The following ARHGAP10 variants were observed in gnomAD, a reference collection of about 807,000 sequenced individuals.
The protein encoded by ARHGAP10 is Rho GTPase activating protein 10.
Under a neutral mutation model 108.6 loss-of-function variants are expected in ARHGAP10, and 87 were observed. The ratio of observed to expected loss-of-function variants is 0.80; its 90% CI spans 0.67 to 0.96. The LOEUF (loss-of-function observed/expected upper bound fraction) is 0.96, where lower values mean the gene tolerates loss of function less well. ARHGAP10 is among the 40% of genes least tolerant of loss of function. ARHGAP10 has a pLI of 0.00. For synonymous variants in ARHGAP10, 347 were observed against 341.1 expected (o/e 1.02, Z -0.19); for missense variants, 939 against 954.5 (o/e 0.98, Z 0.21).
At chr4:147,953,036 A>G (rs982132245) in intron 15 of ARHGAP10, among the ~76,000 whole-genome samples, 22 of 151,810 alleles carry the variant, frequency 1.4e-4, no homozygotes, top group African/African-American at 5.1e-4. Context: ...TATTGATATG[A>G]TCATACAGTT....
At chr4:148,041,883 C>T (rs1728647233) in intron 19 of ARHGAP10, among the ~76,000 whole-genome samples, 1 of 152,196 alleles carries the variant, frequency 6.6e-6, no homozygotes, top group Non-Finnish European at 1.5e-5. Context: ...AAAGAAAAGC[C>T]AGCTCTCTTG....
At chr4:147,815,170 C>T (rs1450789367) in intron 1 of ARHGAP10, among the ~76,000 whole-genome samples, 3 of 152,198 alleles carry the variant, frequency 2.0e-5, no homozygotes, top group Non-Finnish European at 4.4e-5. Flanking sequence ...CCTGCTGCCG[C>T]CCTTGTCCAC....
At chr4:147,781,353 A>G (rs988138993) in intron 1 of ARHGAP10, among the ~76,000 whole-genome samples, 21 of 152,136 alleles carry the variant, frequency 1.4e-4, no homozygotes, top group African/African-American at 5.1e-4. Context: ...ATTTTTGACC[A>G]AACTGGGACA....
intron 3 of ARHGAP10, among the ~76,000 whole-genome samples, chr4:147,837,782 G>A (rs947500778): frequency 8.6e-5 from 13 of 151,544 alleles, no homozygotes; most frequent in African/African-American, 3.1e-4. Context: ...ATGGTGGGAG[G>A]TGGACTTTGT....
At chr4:147,751,435 C>T (rs1729145446) in intron 1 of ARHGAP10, among the ~76,000 whole-genome samples, 1 of 151,446 alleles carries the variant, frequency 6.6e-6, no homozygotes, top group African/African-American at 2.4e-5. Flanking sequence ...GTGATCTCGG[C>T]TCACTGCAAC....
At chr4:147,759,586 C>T (rs966476242) in intron 1 of ARHGAP10, among the ~76,000 whole-genome samples, 3 of 151,610 alleles carry the variant, frequency 2.0e-5, no homozygotes, top group African/African-American at 7.3e-5. Flanking sequence ...CACCGCCCCC[C>T]CCCCCCTTTA....
chr4:147,907,499 G>A (rs1241424774), intron 11 of ARHGAP10, among the ~76,000 whole-genome samples: 3 of 151,832 alleles, frequency 2.0e-5, no homozygotes, highest in Admixed American at 2.0e-4. Flanking sequence ...CAGCATTGTT[G>A]AGGGAAAAAA....
intron 18 of ARHGAP10, among the ~76,000 whole-genome samples, chr4:148,015,284 C>T (rs965349929): frequency 3.9e-5 from 6 of 152,166 alleles, no homozygotes; most frequent in African/African-American, 1.2e-4. Flanking sequence ...GGGTCAAAGC[C>T]GGCAAGATAG....
chr4:147,839,048 A>G (rs1183594591), intron 3 of ARHGAP10, among the ~76,000 whole-genome samples: 3 of 152,046 alleles, frequency 2.0e-5, no homozygotes, highest in South Asian at 2.1e-4. Flanking sequence ...TTTTTTCCTA[A>G]CAGATCATTT....
rs1326893516 is a variant in ARHGAP10, at chr4:147,972,015, A to G, written c.1716+5176A>G. 2.6e-5 allele frequency among the ~76,000 whole-genome samples: 4 copies of G among 152,044 alleles called. No individual in the cohort carries two copies. In the East Asian group the frequency reaches 5.8e-4, roughly 22 times the overall value. On this transcript the variant is annotated intron_variant, in intron 18 of 22. Coordinates refer to ENST00000336498, the MANE Select transcript of ARHGAP10 (RefSeq NM_024605.4). ...GATAGAGATTCAATCCTGGGACAAT[A>G]TGGGTGTCACTAATAAAAGGAAGGA...
intron 13 of ARHGAP10, among the ~76,000 whole-genome samples, chr4:147,919,246 A>G (rs1737126508): frequency 6.6e-6 from 1 of 152,206 alleles, no homozygotes; most frequent in African/African-American, 2.4e-5. Context: ...TGACCTATGG[A>G]TATTAATATA....
intron 20 of ARHGAP10, among the ~76,000 whole-genome samples, chr4:148,049,342 C>T (rs1036121607): frequency 6.6e-6 from 1 of 152,206 alleles, no homozygotes; most frequent in Non-Finnish European, 1.5e-5. Context: ...TGCTCCTTGC[C>T]TGCCTCCAGG....
At chr4:147,781,498 C>T (rs1312305064) in intron 1 of ARHGAP10, among the ~76,000 whole-genome samples, 1 of 152,078 alleles carries the variant, frequency 6.6e-6, no homozygotes, top group Non-Finnish European at 1.5e-5. Context: ...ACCGCCTTGT[C>T]AAGACCCTCA....
intron 13 of ARHGAP10, among the ~76,000 whole-genome samples, chr4:147,922,046 A>G (rs978287662): frequency 1.3e-5 from 2 of 152,004 alleles, no homozygotes; most frequent in African/African-American, 4.8e-5. Flanking sequence ...CACCTCCGAC[A>G]TCTCTCACTC....
At chr4:147,752,778 T>C (rs1275024100) in intron 1 of ARHGAP10, among the ~76,000 whole-genome samples, 1 of 152,218 alleles carries the variant, frequency 6.6e-6, no homozygotes, top group Non-Finnish European at 1.5e-5. Context: ...CCTCCCACCT[T>C]GGCCTCCCAA....
chr4:147,943,528 G>A (rs1738245340), intron 14 of ARHGAP10, among the ~76,000 whole-genome samples: 1 of 152,196 alleles, frequency 6.6e-6, no homozygotes, highest in Admixed American at 6.5e-5. Flanking sequence ...ATTGCACTTT[G>A]CATTTAGGTT....
chr4:147,769,255 T>C (rs1656346989), intron 1 of ARHGAP10, among the ~76,000 whole-genome samples: 1 of 152,136 alleles, frequency 6.6e-6, no homozygotes, highest in African/African-American at 2.4e-5. Flanking sequence ...GTATCCATCA[T>C]GATCCTAATT....
chr4:147,736,780 C>T (rs1728434629), intron 1 of ARHGAP10, among the ~76,000 whole-genome samples: 1 of 152,170 alleles, frequency 6.6e-6, no homozygotes. Context: ...AACTATAAGT[C>T]CGTTATGATA....
At chr4:148,065,979 C>CAAGA (rs1729855025) in intron 22 of ARHGAP10, among the ~76,000 whole-genome samples, 1 of 98,594 alleles carries the variant, frequency 1.0e-5, no homozygotes, top group Non-Finnish European at 1.9e-5. Flanking sequence ...GACCCCATCT[C>CAAGA]AAAAAAAAAA....
Sources: allele counts gnomAD v4.1 joint callset (sites outside exome capture counted in the v4.1 genomes callset), GRCh38; gene constraint gnomAD v4.1.1; transcripts MANE v1.5; gene names NCBI Gene and HGNC (gene_info 2026-07-23, HGNC 2026-07-21).